Variants in SP4 observed in about 807,000 individuals in gnomAD.
SP4 encodes the protein Sp4 transcription factor, also known as transcription factor Sp4.
Under a neutral mutation model 72.8 loss-of-function variants are expected in SP4, and 19 were observed. The ratio of observed to expected loss-of-function variants is 0.26; its 90% confidence interval spans 0.18 to 0.38. SP4 has a LOEUF of 0.38. SP4 is among the 10% of genes least tolerant of loss of function. SP4 has a pLI of 1.00. For synonymous variants in SP4, 395 were observed against 333.1 expected (o/e 1.19, Z -2.02); for missense variants, 1,008 against 926.3 (o/e 1.09, Z -1.14).
intron 3 of SP4, among the ~76,000 whole-genome samples, chr7:21,457,886 G>C (rs1389632382): frequency 6.6e-6 from 1 of 151,966 alleles, no homozygotes; most frequent in Non-Finnish European, 1.5e-5. Context: ...AACTATCTTA[G>C]CTATGAGCAA....
intron 4 of SP4, among the ~76,000 whole-genome samples, chr7:21,477,603 C>G (rs1784542544): frequency 6.9e-6 from 1 of 144,566 alleles, no homozygotes; most frequent in Admixed American, 6.9e-5. Context: ...GTGGTGCAAT[C>G]TCAGCTCACT....
At chr7:21,452,300 CT>C (rs1488324406) in intron 3 of SP4, among the ~76,000 whole-genome samples, 30 of 152,284 alleles carry the variant, frequency 2.0e-4, no homozygotes, top group African/African-American at 7.2e-4. Flanking sequence ...ATATAGGCTC[CT>C]TTTAAAATTG....
rs888094855 is a variant in SP4, at chr7:21,428,231, G to A, written c.-21G>A. 9.5e-6 allele frequency: 14 copies of A among 1,475,258 alleles called. No individual in the cohort carries two copies. The highest frequency in any genetic ancestry group is 1.3e-5 in the Non-Finnish European group (14 of 1,083,200). 91.4% of individuals were successfully genotyped at this position (1,475,258 alleles called of 1,614,324 possible). A position where few individuals can be genotyped will look rare whatever the true frequency, so the allele number is the denominator to read the frequency against. On this transcript the variant is annotated 5_prime_UTR_variant, in exon 1 of 6. Coordinates refer to ENST00000222584, the MANE Select transcript of SP4 (RefSeq NM_003112.5). ...CTCTATCCCAGTGTCTCCGTCTGAGGGTTTGTCCTGTTAATGCGGGATGAG... is the reference window on the plus strand; with the variant it reads ...CTCTATCCCAGTGTCTCCGTCTGAGAGTTTGTCCTGTTAATGCGGGATGAG...
At chr7:21,434,529 G>A (rs1782983077) in intron 3 of SP4, among the ~76,000 whole-genome samples, 1 of 152,090 alleles carries the variant, frequency 6.6e-6, no homozygotes, top group African/African-American at 2.4e-5. Context: ...AATTGTAGTA[G>A]GAACTAAATA....
At chr7:21,504,706 G>T (rs568459835) in intron 5 of SP4, among the ~76,000 whole-genome samples, 78 of 152,246 alleles carry the variant, frequency 5.1e-4, no homozygotes, top group African/African-American at 1.8e-3. Context: ...TTAATAATAT[G>T]GCTTCATATT....
intron 3 of SP4, among the ~76,000 whole-genome samples, chr7:21,447,346 C>T (rs1361560109): frequency 6.6e-6 from 1 of 152,192 alleles, no homozygotes; most frequent in Non-Finnish European, 1.5e-5. Flanking sequence ...GGGTAACCAT[C>T]CTAACCTACC....
intron 3 of SP4, among the ~76,000 whole-genome samples, chr7:21,462,132 C>T (rs1232095477): frequency 6.7e-6 from 1 of 149,948 alleles, no homozygotes; most frequent in Non-Finnish European, 1.5e-5. Context: ...CTGAAGCAAT[C>T]CGCCCACCTC....
At chr7:21,437,493 G>A (rs1783086039) in intron 3 of SP4, among the ~76,000 whole-genome samples, 2 of 152,122 alleles carry the variant, frequency 1.3e-5, no homozygotes, top group Admixed American at 1.3e-4. Context: ...TAATTTTGAT[G>A]TAGTTTGACA....
chr7:21,428,230 G>C lies in SP4; in HGVS notation c.-22G>C. 6.9e-7 allele frequency: 1 copy of C among 1,445,232 alleles called. No individual in the cohort carries two copies. The allele number at this position is 1,445,232 out of a possible 1,614,324, so 89.5% of individuals were successfully genotyped here. A position where few individuals can be genotyped will look rare whatever the true frequency, so the allele number is the denominator to read the frequency against. On this transcript the variant is annotated 5_prime_UTR_variant, in exon 1 of 6. Transcript: ENST00000222584. Reference sequence around the variant, plus strand: ...CCTCTATCCCAGTGTCTCCGTCTGAGGGTTTGTCCTGTTAATGCGGGATGA... The same window carrying C: ...CCTCTATCCCAGTGTCTCCGTCTGACGGTTTGTCCTGTTAATGCGGGATGA...
At chr7:21,456,032 T>C (rs893644770) in intron 3 of SP4, among the ~76,000 whole-genome samples, 2 of 151,948 alleles carry the variant, frequency 1.3e-5, no homozygotes, top group Admixed American at 1.3e-4. Context: ...CAGGAGGAAG[T>C]GGGAAGAAGC....
intron 3 of SP4, among the ~76,000 whole-genome samples, chr7:21,475,874 C>T (rs147358971): frequency 1.6e-3 from 237 of 152,304 alleles, no homozygotes; most frequent in African/African-American, 5.4e-3. Context: ...GAGGTAGAAA[C>T]ATTCTTTCAT....
chr7:21,449,985 A>G (rs1156914962), intron 3 of SP4, among the ~76,000 whole-genome samples: 1 of 152,006 alleles, frequency 6.6e-6, no homozygotes, highest in East Asian at 1.9e-4. Flanking sequence ...GCAAAACTAA[A>G]ATTTAAAATT....
At position 21,429,601 on chromosome 7, in the gene SP4, T is replaced by C. The variant is rs760886431; in HGVS notation, c.436T>C (p.Ser146Pro). Residue 146 changes from serine to proline, a missense_variant, in exon 3 of 6, where the codon TCC becomes CCC. Ser to Pro is a moderately conservative substitution (Grantham distance 74). Around this residue, in one of 3 missense-constraint regions of SP4, gnomAD observed 893 missense variants for 743.3 expected, o/e 1.20. Transcript: ENST00000222584. Reference sequence around the variant, plus strand: ...TACAAAAACTAAATCAGGTAATTCTTCCACCCCTGGTCAATTTCAAGTCAT... The same window carrying C: ...TACAAAAACTAAATCAGGTAATTCTCCCACCCCTGGTCAATTTCAAGTCAT... The part of the protein sequence containing the change: ...SPTKTKSGNS[S>P]TPGQFQVIQV... 1.4e-5 allele frequency: 23 copies of C among 1,614,058 alleles called. 1 individual carries two copies. The Admixed American group carries it at 2.8e-4, about 20-fold the overall frequency.
At chr7:21,460,768 A>C (rs1783939953) in intron 3 of SP4, among the ~76,000 whole-genome samples, 1 of 152,126 alleles carries the variant, frequency 6.6e-6, no homozygotes, top group Non-Finnish European at 1.5e-5. Context: ...CTACATACAG[A>C]GTGTAGATTG....
intron 5 of SP4, among the ~76,000 whole-genome samples, chr7:21,506,676 T>C (rs923904224): frequency 6.6e-6 from 1 of 152,206 alleles, no homozygotes; most frequent in African/African-American, 2.4e-5. Flanking sequence ...GGTTTCTCTT[T>C]CCATCCATCA....
intron 3 of SP4, among the ~76,000 whole-genome samples, chr7:21,463,953 C>T (rs1784081116): frequency 6.6e-6 from 1 of 151,984 alleles, no homozygotes; most frequent in Non-Finnish European, 1.5e-5. Flanking sequence ...TCTGACTGTC[C>T]TCATCTGTAA....
chr7:21,466,483 C>T (rs1784171947), intron 3 of SP4, among the ~76,000 whole-genome samples: 1 of 152,150 alleles, frequency 6.6e-6, no homozygotes, highest in Non-Finnish European at 1.5e-5. Flanking sequence ...GAAGAAACTG[C>T]AGGGAGAATC....
intron 3 of SP4, chr7:21,471,038 ATG>A (rs1562608965): frequency 1.9e-6 from 1 of 534,530 alleles, no homozygotes; most frequent in East Asian, 5.4e-5. Flanking sequence ...GGGTGGGAGA[ATG>A]TGTTGGATTC....
intron 5 of SP4, among the ~76,000 whole-genome samples, chr7:21,505,461 C>G (rs768881047): frequency 1.3e-5 from 2 of 152,278 alleles, no homozygotes; most frequent in South Asian, 4.1e-4. Context: ...TCCTCCAGGA[C>G]TTTTTCTAAG....
Sources: gnomAD v4.1 joint callset for allele counts (sites outside exome capture counted in the v4.1 genomes callset) on GRCh38, gnomAD v4.1.1 for gene constraint, gnomAD v4.1.1 regional missense constraint, MANE v1.5 for transcripts, NCBI Gene and HGNC (gene_info 2026-07-23, HGNC 2026-07-21) for gene names.